Variants in CNTNAP5 observed in about 807,000 individuals in gnomAD.
CNTNAP5 encodes the protein contactin-associated protein-like 5.
Under a neutral mutation model 150.2 loss-of-function variants are expected in CNTNAP5, and 72 were observed. The ratio of observed to expected loss-of-function variants is 0.48; its 90% CI spans 0.40 to 0.58. The LOEUF (loss-of-function observed/expected upper bound fraction) is 0.58. CNTNAP5 is among the 20% of genes least tolerant of loss of function. CNTNAP5 has a pLI of 0.00. For synonymous variants in CNTNAP5, 672 were observed against 619.8 expected (o/e 1.08, Z -1.25); for missense variants, 1,636 against 1,626.2 (o/e 1.01, Z -0.10).
chr2:124,161,491 G>T (rs1312730643), intron 1 of CNTNAP5, among the ~76,000 whole-genome samples: 1 of 152,156 alleles, frequency 6.6e-6, no homozygotes, highest in African/African-American at 2.4e-5. Context: ...ACAGCTCCTA[G>T]AGGCTATTAG....
chr2:124,203,778 G>T (rs1573833104), intron 1 of CNTNAP5, among the ~76,000 whole-genome samples: 1 of 152,142 alleles, frequency 6.6e-6, no homozygotes, highest in Admixed American at 6.5e-5. Context: ...TCCTGAGACT[G>T]CACAAAGCAG....
At chr2:124,912,122 C>T (rs2104769431) in intron 23 of CNTNAP5, among the ~76,000 whole-genome samples, 1 of 152,150 alleles carries the variant, frequency 6.6e-6, no homozygotes, top group Non-Finnish European at 1.5e-5. Flanking sequence ...TTTTATTCTG[C>T]TTCAGCTTGG....
chr2:124,803,506 TG>T (rs1482986283), intron 19 of CNTNAP5, among the ~76,000 whole-genome samples: 1 of 152,194 alleles, frequency 6.6e-6, no homozygotes, highest in Non-Finnish European at 1.5e-5. Flanking sequence ...TATCCATCTA[TG>T]GTGAAATCCT....
chr2:124,464,688 CT>C (rs1171790132), intron 6 of CNTNAP5, among the ~76,000 whole-genome samples: 2 of 152,122 alleles, frequency 1.3e-5, no homozygotes, highest in Non-Finnish European at 2.9e-5. Flanking sequence ...AAATACTCAA[CT>C]TTCAGGCTAA....
chr2:124,156,334 TA>T (rs1684547989), intron 1 of CNTNAP5, among the ~76,000 whole-genome samples: 1 of 152,096 alleles, frequency 6.6e-6, no homozygotes, highest in African/African-American at 2.4e-5. Flanking sequence ...CTGTGGGGAG[TA>T]AAATTCCCTT....
Position 124,441,525 on chromosome 2 carries a change from T to C in CNTNAP5, c.734-5228T>C, listed in dbSNP as rs536478212. ...TATATTTTAAATCAGTATAGTCTAA[T>C]TATTGAGTATTCTATTTATTAAATA... On this transcript the variant is annotated intron_variant, in intron 5 of 23. Coordinates refer to ENST00000682447, the MANE Select transcript of CNTNAP5 (RefSeq NM_001367498.1). 7.9e-5 allele frequency among the ~76,000 whole-genome samples: 12 copies of C among 152,210 alleles called. 1 individual carries two copies. In the South Asian group the frequency reaches 2.5e-3, roughly 32 times the overall value.
chr2:124,279,862 C>G (rs942881672), intron 3 of CNTNAP5, among the ~76,000 whole-genome samples: 6 of 152,032 alleles, frequency 3.9e-5, no homozygotes, highest in African/African-American at 1.4e-4. Context: ...AATCTCCTTA[C>G]CTTCACCCTC....
rs1340945198 is a variant in CNTNAP5, at chr2:124,713,298, TTTC to T, written c.2078-33925_2078-33923del. 4.9e-3 allele frequency among the ~76,000 whole-genome samples: 612 copies of T among 125,674 alleles called. 41 individuals are homozygous for T. The highest frequency in any genetic ancestry group is 0.012 in the East Asian group (47 of 3,858). The allele number at this position is 125,674 out of a possible 152,430, so 82.4% of individuals were successfully genotyped here. A position where few individuals can be genotyped will look rare whatever the true frequency, so the allele number is the denominator to read the frequency against. On this transcript the variant is annotated intron_variant, in intron 13 of 23. Transcript: ENST00000682447. ...CTTTCTTTCTTTCTTTCTTTCTTTCTTTCTTCTTTCTCTTTCTTTCCTTTCTTT... is the reference window on the plus strand; with the variant it reads ...CTTTCTTTCTTTCTTTCTTTCTTTCTTTCTTTCTCTTTCTTTCCTTTCTTT...
chr2:124,181,567 G>A (rs1444185647), intron 1 of CNTNAP5, among the ~76,000 whole-genome samples: 1 of 152,038 alleles, frequency 6.6e-6, no homozygotes, highest in African/African-American at 2.4e-5. Context: ...AACAGGTTAA[G>A]TGGATAAAGT....
intron 13 of CNTNAP5, among the ~76,000 whole-genome samples, chr2:124,687,396 T>C (rs771739804): frequency 3.9e-5 from 6 of 152,044 alleles, no homozygotes; most frequent in Non-Finnish European, 8.8e-5. Context: ...TGAACAGTTA[T>C]TAAGCATTTC....
chr2:124,463,825 G>C (rs372466641), intron 6 of CNTNAP5, among the ~76,000 whole-genome samples: 2 of 152,120 alleles, frequency 1.3e-5, no homozygotes, highest in East Asian at 1.9e-4. Context: ...GGGGGACACT[G>C]TGTGTGTGGC....
At chr2:124,322,673 G>A (rs1558850341) in intron 3 of CNTNAP5, among the ~76,000 whole-genome samples, 1 of 152,150 alleles carries the variant, frequency 6.6e-6, no homozygotes, top group Non-Finnish European at 1.5e-5. Flanking sequence ...GCTGAAAATT[G>A]ACTAACAGAT....
intron 1 of CNTNAP5, among the ~76,000 whole-genome samples, chr2:124,148,352 C>A (rs1227906590): frequency 6.6e-6 from 1 of 150,486 alleles, no homozygotes; most frequent in Non-Finnish European, 1.5e-5. Flanking sequence ...TTGGTTTCCA[C>A]ATTCCAAAAA....
Position 124,025,531 on chromosome 2 carries a change from C to T in CNTNAP5, c.-120C>T. ...CGGGATGGAGTGAAAGAGCGAGTGC[C>T]TCTCCAAGCGGGGGTGGGAGGGGGT... On this transcript the variant is annotated 5_prime_UTR_variant, in exon 1 of 24. Transcript: ENST00000682447. The T allele has an allele frequency of 2.5e-6, 2 of 788,682 alleles. No individual in the cohort carries two copies. Among genetic ancestry groups the T allele is most frequent in the Admixed American group, 1.9e-5 (1 of 51,476 alleles). The allele number at this position is 788,682 out of a possible 1,614,324, so 48.9% of individuals were successfully genotyped here. A position where few individuals can be genotyped will look rare whatever the true frequency, so the allele number is the denominator to read the frequency against.
At chr2:124,899,910 T>C (rs367596493) in intron 21 of CNTNAP5, among the ~76,000 whole-genome samples, 1 of 151,520 alleles carries the variant, frequency 6.6e-6, no homozygotes, top group Non-Finnish European at 1.5e-5. Context: ...ACTTGTGCTT[T>C]CCTTAGTTTT....
At chr2:124,844,224 A>G (rs1683001009) in intron 19 of CNTNAP5, among the ~76,000 whole-genome samples, 1 of 152,008 alleles carries the variant, frequency 6.6e-6, no homozygotes, top group South Asian at 2.1e-4. Flanking sequence ...TCATTCTTTT[A>G]CATGGGGCTT....
In CNTNAP5 at chr2:124,915,396, A is replaced by G. The variant is rs1301381327; in HGVS notation, c.*1108A>G. On this transcript the variant is annotated 3_prime_UTR_variant, in exon 24 of 24. Coordinates refer to ENST00000682447, the MANE Select transcript of CNTNAP5 (RefSeq NM_001367498.1). ...AACTGCATGAAAGAAGAAAAATACC[A>G]AACAGAATTCTTCCCTTCCATTCAC... 6.0e-6 allele frequency: 1 copy of G among 166,502 alleles called. No individual in the cohort carries two copies. The highest frequency in any genetic ancestry group is 6.6e-5 in the Admixed American group (1 of 15,250). 10.3% of individuals were successfully genotyped at this position (166,502 alleles called of 1,614,324 possible).
intron 3 of CNTNAP5, among the ~76,000 whole-genome samples, chr2:124,415,022 A>C (rs1691881830): frequency 6.6e-6 from 1 of 152,170 alleles, no homozygotes; most frequent in South Asian, 2.1e-4. Context: ...CATACATATC[A>C]AAGTGGTATG....
intron 13 of CNTNAP5, among the ~76,000 whole-genome samples, chr2:124,675,756 T>C (rs941868034): frequency 2.6e-5 from 4 of 152,200 alleles, no homozygotes; most frequent in African/African-American, 9.6e-5. Context: ...CGAGATATTG[T>C]TGTCATATTT....
Sources: gnomAD v4.1 joint callset for allele counts (sites outside exome capture counted in the v4.1 genomes callset) on GRCh38, gnomAD v4.1.1 for gene constraint, MANE v1.5 for transcripts, NCBI Gene and HGNC (gene_info 2026-07-23, HGNC 2026-07-21) for gene names.